Variants in ANKDD1B observed in about 807,000 individuals in gnomAD.
The protein encoded by ANKDD1B is ankyrin repeat and death domain-containing protein 1B.
ANKDD1B carries 57 observed loss-of-function variants against 59.7 expected under a neutral mutation model. The ratio of observed to expected loss-of-function variants is 0.95; its 90% CI spans 0.77 to 1.19. ANKDD1B has a LOEUF of 1.19. Among genes scored for constraint, ANKDD1B ranks in the 50% most tolerant of loss-of-function variants. ANKDD1B has a pLI of 0.00. For missense variants in ANKDD1B, 602 were observed against 641.9 expected, an observed-to-expected ratio of 0.94 and a Z score of 0.67; for synonymous variants, 216 against 239.5, an observed-to-expected ratio of 0.90 and a Z score of 0.91.
intron 10 of ANKDD1B, among the ~76,000 whole-genome samples, chr5:75,661,166 A>G (rs1775127994): frequency 6.6e-6 from 1 of 151,574 alleles, no homozygotes; most frequent in Non-Finnish European, 1.5e-5. Context: ...TGGGAGGCTG[A>G]GGCAGGCAGA....
At chr5:75,669,120 C>T (rs1775397933) in intron 12 of ANKDD1B, 132 bp from the exon 13 acceptor site, 1 of 911,410 alleles carries the variant, frequency 1.1e-6, no homozygotes, top group Admixed American at 4.3e-5. Flanking sequence ...GCGAGGGCAA[C>T]TGGAAGGGCT....
At position 75,666,643 on chromosome 5, in the gene ANKDD1B, A is replaced by T. The variant is rs533249604; in HGVS notation, c.1192-149A>T. On this transcript the variant is annotated intron_variant, in intron 11 of 13. Transcript: ENST00000601380. ...TCCATTTTGGATGGCAAAAAAAAAA[A>T]ATATATATATGATCCAGTGACAGGA... is the stretch of plus-strand genomic sequence containing the variant. 1.5e-3 allele frequency: 571 copies of T among 393,774 alleles called. 1 individual carries two copies. Among genetic ancestry groups the T allele is most frequent in the African/African-American group, 2.8e-3 (75 of 26,340 alleles). 24.4% of individuals were successfully genotyped at this position (393,774 alleles called of 1,614,324 possible). A position where few individuals can be genotyped will look rare whatever the true frequency, so the allele number is the denominator to read the frequency against.
intron 9 of ANKDD1B, among the ~76,000 whole-genome samples, chr5:75,657,185 TGTGATA>T (rs1290247197): frequency 1.3e-5 from 2 of 152,202 alleles, no homozygotes; most frequent in African/African-American, 4.8e-5. Context: ...CGTGCTCACA[TGTGATA>T]TTGGTTTTGA....
In ANKDD1B at chr5:75,669,331, G is replaced by A. The variant is rs771682353; in HGVS notation, c.1473G>A (p.Pro491=). 1.2e-4 allele frequency: 153 copies of A among 1,232,088 alleles called. 1 individual carries two copies. Among genetic ancestry groups the A allele is most frequent in the African/African-American group, 5.1e-4 (33 of 64,508 alleles). The allele number at this position is 1,232,088 out of a possible 1,614,324, so 76.3% of individuals were successfully genotyped here. The change falls in exon 13 of 14, where the codon CCG becomes CCA. Residue 491 remains proline (P), a synonymous_variant. Coordinates refer to ENST00000601380, the MANE Select transcript of ANKDD1B (RefSeq NM_001276713.2). ...GGACCCTGATGACTCAGGGTGACCC[G>A]GCCAAGCAACTGTATGAAGAGCTGG... The part of the protein sequence containing the change: ...LHGTLMTQGD[P]AKQLYEELVH...
chr5:75,613,099 G>A (rs1053564615), intron 1 of ANKDD1B, among the ~76,000 whole-genome samples: 4 of 152,172 alleles, frequency 2.6e-5, no homozygotes, highest in South Asian at 2.1e-4. Context: ...TTGGCAAGGC[G>A]GAGTGACCTC....
rs1775216347 is a variant in ANKDD1B, at chr5:75,663,491, T to C, written c.1191+2T>C. On this transcript the variant is annotated splice_donor_variant, in intron 11 of 13. Transcript: ENST00000601380. LOFTEE classifies it high-confidence loss of function. ...GAGAGATACTACGCCTGGAGAGAGG[T>C]AAGGAAGGACGATCCCAGCACAGCA... The C allele has an allele frequency of 6.5e-7, 1 of 1,535,482 alleles. No homozygotes were observed. The highest frequency in any genetic ancestry group is 1.4e-5 in the African/African-American group (1 of 72,996).
chr5:75,661,029 T>C (rs1173404506), intron 10 of ANKDD1B, among the ~76,000 whole-genome samples: 1 of 152,126 alleles, frequency 6.6e-6, no homozygotes, highest in Non-Finnish European at 1.5e-5. Context: ...AGTAGTTATA[T>C]GTTATTTTAC....
At chr5:75,614,278 G>A (rs1023196553) in intron 1 of ANKDD1B, among the ~76,000 whole-genome samples, 2 of 152,196 alleles carry the variant, frequency 1.3e-5, no homozygotes, top group African/African-American at 4.8e-5. Flanking sequence ...TGCACACACA[G>A]TGGGTTGTGT....
chr5:75,634,755 A>T (rs1017828215), intron 5 of ANKDD1B, 143 bp from the exon 6 acceptor site: 2 of 578,546 alleles, frequency 3.5e-6, no homozygotes, highest in Non-Finnish European at 6.2e-6. Flanking sequence ...TCTGATTTGG[A>T]GTCAGAGATA....
At chr5:75,669,154 C>A in intron 12 of ANKDD1B, 98 bp from the exon 13 acceptor site, 1 of 1,162,174 alleles carries the variant, frequency 8.6e-7, no homozygotes, top group Non-Finnish European at 1.1e-6. Context: ...AACAGGCAAG[C>A]AAACAGTCAT....
At chr5:75,624,570 T>G (rs1773940471) in intron 3 of ANKDD1B, among the ~76,000 whole-genome samples, 1 of 152,234 alleles carries the variant, frequency 6.6e-6, no homozygotes, top group African/African-American at 2.4e-5. Context: ...CACAGACAAA[T>G]CTAAATAATT....
intron 13 of ANKDD1B, among the ~76,000 whole-genome samples, chr5:75,669,926 T>C (rs1297235362): frequency 6.6e-6 from 1 of 152,174 alleles, no homozygotes; most frequent in East Asian, 1.9e-4. Flanking sequence ...AACTTATCAA[T>C]AAATTAGGCG....
rs1344374909 is a variant in ANKDD1B at position 75,611,727 on chromosome 5, C to T, written c.93C>T (p.Asp31=). ...AAAAAKGLRE[D]LWGAAALPWR... ...CGGCCGCCAAGGGTCTCAGGGAAGA[C>T]CTGTGGGGCGCGGCCGCCCTGCCTT... Residue 31 remains aspartate (D), a synonymous_variant, in exon 1 of 14, where the codon GAC becomes GAT. Transcript: ENST00000601380. The T allele has an allele frequency of 2.4e-6, 3 of 1,231,798 alleles. No individual in the cohort carries two copies. In the East Asian group the frequency reaches 9.5e-5, roughly 39 times the overall value. The allele number at this position is 1,231,798 out of a possible 1,614,324, so 76.3% of individuals were successfully genotyped here. A position where few individuals can be genotyped will look rare whatever the true frequency, so the allele number is the denominator to read the frequency against.
rs575198553 is a variant in ANKDD1B, at chr5:75,671,214, A to G, written c.*174A>G. 1.3e-5 allele frequency: 5 copies of G among 380,392 alleles called. No individual in the cohort carries two copies. The South Asian group carries it at 7.2e-4, about 55-fold the overall frequency. The allele number at this position is 380,392 out of a possible 1,614,324, so 23.6% of individuals were successfully genotyped here. A position where few individuals can be genotyped will look rare whatever the true frequency, so the allele number is the denominator to read the frequency against. On this transcript the variant is annotated 3_prime_UTR_variant, in exon 14 of 14. Coordinates refer to ENST00000601380, the MANE Select transcript of ANKDD1B (RefSeq NM_001276713.2). The stretch of plus-strand genomic sequence containing the variant: ...GATACTTTTCAACCACTAAAAAGTC[A>G]AATATAGTTTTTTTTGCTGAGGGCA...
chr5:75,629,741 G>A (rs1774098504), intron 5 of ANKDD1B, among the ~76,000 whole-genome samples: 1 of 151,884 alleles, frequency 6.6e-6, no homozygotes, highest in South Asian at 2.1e-4. Flanking sequence ...TTGAGAACTA[G>A]CCTGGGAAGC....
chr5:75,618,269 T>C (rs1773764157), intron 2 of ANKDD1B, among the ~76,000 whole-genome samples: 1 of 152,224 alleles, frequency 6.6e-6, no homozygotes, highest in Admixed American at 6.5e-5. Context: ...ATTATGACCG[T>C]GGAAGGTTAA....
Position 75,633,249 on chromosome 5 carries a change from T to G in ANKDD1B, c.601-1649T>G, listed in dbSNP as rs1394294145. ...GAAATCACTAAACCCTTTGAAGGGC[T>G]GGGGATGTAGATCTCATTGGTGACA... On this transcript the variant is annotated intron_variant, in intron 5 of 13. Transcript: ENST00000601380. 2.0e-5 allele frequency among the ~76,000 whole-genome samples: 3 copies of G among 152,220 alleles called. No homozygotes were observed. The East Asian group carries it at 5.8e-4, about 29-fold the overall frequency.
At chr5:75,635,746 G>C in intron 6 of ANKDD1B, 38 bp from the exon 7 acceptor site, 1 of 1,343,030 alleles carries the variant, frequency 7.4e-7, no homozygotes, top group Non-Finnish European at 1.0e-6. Flanking sequence ...TGCTCTCCTG[G>C]CACAGGGGTT....
intron 12 of ANKDD1B, among the ~76,000 whole-genome samples, chr5:75,668,509 A>G (rs754799173): frequency 6.6e-6 from 1 of 152,190 alleles, no homozygotes; most frequent in Non-Finnish European, 1.5e-5. Flanking sequence ...CCGCTTCTCC[A>G]TATCAGTCTG....
Sources: gnomAD v4.1 joint callset for allele counts (sites outside exome capture counted in the v4.1 genomes callset) on GRCh38, gnomAD v4.1.1 for gene constraint, MANE v1.5 for transcripts, NCBI Gene and HGNC (gene_info 2026-07-23, HGNC 2026-07-21) for gene names.